NOL10: variants seen among roughly 807,000 people sequenced by gnomAD.
The protein encoded by NOL10 is H_NH0074G24.1.
Under a neutral mutation model 103.5 loss-of-function variants are expected in NOL10, and 58 were observed. The observed-to-expected ratio is 0.56, with a 90% CI of 0.45 to 0.70. The LOEUF (loss-of-function observed/expected upper bound fraction) is 0.70. Among genes scored for constraint, NOL10 ranks in the 30% least tolerant of loss-of-function variants. The pLI, the probability that NOL10 is intolerant of heterozygous loss-of-function variation, is 0.00. For missense variants in NOL10, 763 were observed against 807.3 expected (o/e 0.95, Z 0.67); for synonymous variants, 287 against 282.5 (o/e 1.02, Z -0.16).
chr2:10,613,473 C>A (rs1045175175), intron 13 of NOL10, among the ~76,000 whole-genome samples: 6 of 152,216 alleles, frequency 3.9e-5, no homozygotes, highest in African/African-American at 1.4e-4. Flanking sequence ...ATCAAGATAG[C>A]TTTGCAAGGG....
chr2:10,638,309 T>G (rs1455900989), intron 13 of NOL10, among the ~76,000 whole-genome samples: 4 of 72,156 alleles, frequency 5.5e-5, no homozygotes. Flanking sequence ...TAACGTGACG[T>G]GACGTGACGT....
intron 19 of NOL10, among the ~76,000 whole-genome samples, chr2:10,581,243 A>C (rs1421702172): frequency 6.7e-6 from 1 of 149,110 alleles, no homozygotes; most frequent in Non-Finnish European, 1.5e-5. Flanking sequence ...CAAAGTGCTC[A>C]AGCCTTTTTG....
At chr2:10,636,276 T>C (rs1228928121) in intron 13 of NOL10, among the ~76,000 whole-genome samples, 1 of 151,906 alleles carries the variant, frequency 6.6e-6, no homozygotes, top group Non-Finnish European at 1.5e-5. Flanking sequence ...GCTGATAAAA[T>C]ATGGCATCTT....
intron 12 of NOL10, among the ~76,000 whole-genome samples, chr2:10,644,913 C>G (rs1039096846): frequency 6.6e-6 from 1 of 152,194 alleles, no homozygotes; most frequent in African/African-American, 2.4e-5. Context: ...GTTCCCTTTT[C>G]TCTGCCATTT....
intron 20 of NOL10, among the ~76,000 whole-genome samples, chr2:10,577,090 A>G (rs796391953): frequency 5.9e-5 from 9 of 152,220 alleles, no homozygotes; most frequent in Non-Finnish European, 1.2e-4. Flanking sequence ...ACTGGCTAAA[A>G]AAAATGGATC....
chr2:10,584,816 GT>G (rs1275749493), intron 19 of NOL10, among the ~76,000 whole-genome samples: 2 of 152,140 alleles, frequency 1.3e-5, no homozygotes, highest in East Asian at 3.9e-4. Context: ...GTTTAACTTG[GT>G]GATATTTAAC....
chr2:10,665,222 A>G (rs1680495453), intron 8 of NOL10, among the ~76,000 whole-genome samples: 1 of 152,202 alleles, frequency 6.6e-6, no homozygotes, highest in African/African-American at 2.4e-5. Flanking sequence ...TGAGTTAATA[A>G]ATTTTATGGA....
chr2:10,580,987 AATTTT>A (rs1324797730), intron 19 of NOL10, among the ~76,000 whole-genome samples: 1 of 152,356 alleles, frequency 6.6e-6, no homozygotes, highest in South Asian at 2.1e-4. Context: ...TTTTAAATTT[AATTTT>A]AAGTACTTTG....
At chr2:10,683,781 C>T (rs966334083) in intron 2 of NOL10, among the ~76,000 whole-genome samples, 2 of 152,128 alleles carry the variant, frequency 1.3e-5, no homozygotes, top group Non-Finnish European at 2.9e-5. Context: ...CCCAGGAGAC[C>T]CAAGAGGGGA....
Position 10,572,158 on chromosome 2 carries a change from C to T in NOL10, c.1980G>A (p.Glu660=). The T allele has an allele frequency of 6.2e-7, 1 of 1,613,970 alleles. No homozygotes were observed. The highest frequency in any genetic ancestry group is 2.2e-5 in the East Asian group (1 of 44,884). ...SEQQKKQQEA[E]KLHRQERKRL... ...TTTTCCTTTCTTGTCGATGCAGTTT[C>T]TCAGCCTCCTGTTGCTTCTTCTGCT... Residue 660 remains glutamate (E), a synonymous_variant, in exon 21 of 21, where the codon GAG becomes GAA. Transcript: ENST00000381685.
intron 10 of NOL10, 31 bp from the exon 11 acceptor site, chr2:10,657,922 C>A (rs1430204653): frequency 6.9e-7 from 1 of 1,453,150 alleles, no homozygotes; most frequent in East Asian, 2.5e-5. Context: ...TTTAAACAAA[C>A]TAGACATTTT....
chr2:10,659,800 G>T (rs1192995371), intron 9 of NOL10, among the ~76,000 whole-genome samples: 1 of 152,060 alleles, frequency 6.6e-6, no homozygotes, highest in African/African-American at 2.4e-5. Flanking sequence ...CCAGAATAAG[G>T]TATTTATAGA....
In NOL10 at chr2:10,591,937, G is replaced by C. The variant is rs1248752901; in HGVS notation, c.1423-2186C>G. Among the ~76,000 whole-genome samples, 3 of 152,198 alleles carry C rather than the reference G, an allele frequency of 2.0e-5. No homozygotes were observed. In the East Asian group the frequency reaches 5.8e-4, roughly 29 times the overall value. ...AGGATCGCTTGAGCCTGGGAAGTCA[G>C]GGCTGCAGTGAGTTGAGATCACACC... On this transcript the variant is annotated intron_variant, in intron 17 of 20. Transcript: ENST00000381685.
chr2:10,621,410 A>G (rs1364388229), intron 13 of NOL10, among the ~76,000 whole-genome samples: 5 of 152,132 alleles, frequency 3.3e-5, no homozygotes, highest in Non-Finnish European at 7.4e-5. Flanking sequence ...CCTGGACAAC[A>G]TGGTGAGACT....
intron 20 of NOL10, among the ~76,000 whole-genome samples, chr2:10,573,219 GAGTCTTGCTCTGTTGCC>G (rs1360815207): frequency 6.6e-6 from 1 of 152,014 alleles, no homozygotes; most frequent in Non-Finnish European, 1.5e-5. Flanking sequence ...TTTTGAGATG[GAGTCTTGCTCTGTTGCC>G]AGGCTGGAGT....
chr2:10,596,268 G>GGGGGGGGGGGGGGGGGGGGA (rs1553298216), intron 17 of NOL10, among the ~76,000 whole-genome samples: 1 of 81,386 alleles, frequency 1.2e-5, no homozygotes, highest in Non-Finnish European at 2.0e-5. Flanking sequence ...GGGGGCGGGG[G>GGGGGGGGGGGGGGGGGGGGA]GCGGGCGCGA....
At chr2:10,611,001 A>G (rs966914189) in intron 13 of NOL10, among the ~76,000 whole-genome samples, 1 of 151,962 alleles carries the variant, frequency 6.6e-6, no homozygotes, top group African/African-American at 2.4e-5. Flanking sequence ...TTTTTTAGAG[A>G]CAGGTTCTTG....
chr2:10,679,925 TATTA>T (rs750513975), intron 3 of NOL10, among the ~76,000 whole-genome samples: 112 of 151,348 alleles, frequency 7.4e-4, no homozygotes, highest in African/African-American at 2.3e-3. Context: ...CCAGCCCACA[TATTA>T]TTTATTAAAT....
chr2:10,578,987 T>G (rs527607607), intron 19 of NOL10, among the ~76,000 whole-genome samples: 1 of 152,224 alleles, frequency 6.6e-6, no homozygotes, highest in Non-Finnish European at 1.5e-5. Flanking sequence ...AGAAAAAGGC[T>G]GAACTGTGTG....
Sources: allele counts gnomAD v4.1 joint callset (sites outside exome capture counted in the v4.1 genomes callset), GRCh38; gene constraint gnomAD v4.1.1; transcripts MANE v1.5; gene names NCBI Gene and HGNC (gene_info 2026-07-23, HGNC 2026-07-21).